SP140: variants seen among roughly 807,000 people sequenced by gnomAD.
SP140 encodes the protein nuclear body protein SP140.
SP140 carries 81 observed loss-of-function variants against 125.0 expected under a neutral mutation model. The ratio of observed to expected loss-of-function variants is 0.65; its 90% CI spans 0.54 to 0.78. The LOEUF is 0.78. SP140 is among the 30% of genes least tolerant of loss of function. SP140 has a pLI of 0.00. For missense variants in SP140, 858 were observed against 1,037.0 expected (o/e 0.83, Z 2.37); for synonymous variants, 312 against 354.0 (o/e 0.88, Z 1.33).
upstream of SP140, among the ~76,000 whole-genome samples, chr2:230,198,491 C>T (rs2042980008): frequency 6.6e-6 from 1 of 152,172 alleles, no homozygotes; most frequent in Non-Finnish European, 1.5e-5. Flanking sequence ...GTAATAAAGC[C>T]CCTGATTCTG....
intron 9 of SP140, among the ~76,000 whole-genome samples, chr2:230,250,386 T>C (rs1306851490): frequency 6.6e-6 from 1 of 152,142 alleles, no homozygotes; most frequent in Non-Finnish European, 1.5e-5. Flanking sequence ...TGGCATCAAT[T>C]GTTTCAGGAG....
At chr2:230,251,155 A>C (rs997957090) in intron 10 of SP140, 94 bp downstream of exon 10, 1 of 1,001,308 alleles carries the variant, frequency 1.0e-6, no homozygotes, top group Admixed American at 2.2e-5. Context: ...CTCCAAGTAT[A>C]CTTCACAGTG....
intron 16 of SP140, 140 bp from the exon 17 acceptor site, chr2:230,285,612 C>T: frequency 1.4e-6 from 1 of 696,128 alleles, no homozygotes. Flanking sequence ...GTCGACACTC[C>T]CAAAAGCAAA....
chr2:230,295,685 T>G (rs1418751505), intron 21 of SP140, among the ~76,000 whole-genome samples: 1 of 152,180 alleles, frequency 6.6e-6, no homozygotes, highest in Non-Finnish European at 1.5e-5. Flanking sequence ...GCCATTTGGC[T>G]TTAGGAAATT....
chr2:230,315,338 C>T (rs2059477500), downstream of SP140, among the ~76,000 whole-genome samples: 1 of 152,184 alleles, frequency 6.6e-6, no homozygotes. Flanking sequence ...AAGTAACTCA[C>T]ATGCCGGGGA....
At chr2:230,224,222 A>G (rs541917516), upstream of SP140, among the ~76,000 whole-genome samples, 137 of 152,298 alleles carry the variant, frequency 9.0e-4, no homozygotes, top group Non-Finnish European at 1.5e-3. Flanking sequence ...CTTATAAGCA[A>G]AAGAAGCTGG....
intron 1 of SP140, among the ~76,000 whole-genome samples, chr2:230,208,600 A>C (rs2044134963): frequency 6.6e-6 from 1 of 152,198 alleles, no homozygotes; most frequent in Non-Finnish European, 1.5e-5. Context: ...AAAGTCACTG[A>C]TTGAGCAAAA....
intron 1 of SP140, among the ~76,000 whole-genome samples, chr2:230,232,391 T>C (rs1300514247): frequency 1.3e-5 from 2 of 152,316 alleles, no homozygotes; most frequent in East Asian, 1.9e-4. Context: ...CTCCAGATTT[T>C]GGGGCAGTTT....
At chr2:230,297,094 G>A (rs1286162721) in intron 21 of SP140, among the ~76,000 whole-genome samples, 1 of 152,226 alleles carries the variant, frequency 6.6e-6, no homozygotes, top group Non-Finnish European at 1.5e-5. Context: ...TGCTGTAGCA[G>A]CCCAGACAGT....
At chr2:230,246,088 T>A in intron 7 of SP140, 148 bp downstream of exon 7, 1 of 619,806 alleles carries the variant, frequency 1.6e-6, no homozygotes, top group Non-Finnish European at 2.9e-6. Context: ...CATATATCCA[T>A]CCATCCATCT....
rs1393670317 is a variant in SP140, at chr2:230,211,701, T to C, written c.-322-1953T>C. The C allele has an allele frequency of 4.0e-5, 27 of 669,002 alleles. No homozygotes were observed. The allele number at this position is 669,002 out of a possible 1,614,324, so 41.4% of individuals were successfully genotyped here. ...GAAAGGATGGCATAGAGTGGGAAAG[T>C]AAGCAACCATTCACTCTCAATTAGC... On this transcript the variant is annotated intron_variant, in intron 1 of 4. Coordinates refer to the SP140 transcript ENST00000456542. The surrounding 1 kb of genome is among the most constrained non-coding windows in gnomAD (Gnocchi z 4.2).
chr2:230,268,422 GGCTGA>G (rs2053448281), intron 12 of SP140, among the ~76,000 whole-genome samples: 1 of 151,960 alleles, frequency 6.6e-6, no homozygotes, highest in Non-Finnish European at 1.5e-5. Context: ...TACTTTGGGA[GGCTGA>G]GACAGGAGAA....
chr2:230,285,940 T>C, intron 17 of SP140, 108 bp downstream of exon 17: 1 of 810,688 alleles, frequency 1.2e-6, no homozygotes. Flanking sequence ...TCAAGCTTAG[T>C]CAATTGGAGA....
chr2:230,240,789 C>A (rs1408398308), intron 3 of SP140, among the ~76,000 whole-genome samples: 1 of 152,142 alleles, frequency 6.6e-6, no homozygotes, highest in East Asian at 1.9e-4. Flanking sequence ...ATGATCTTGG[C>A]AGTTTCACTC....
chr2:230,282,178 G>T (rs971521618), intron 15 of SP140, among the ~76,000 whole-genome samples: 1 of 152,130 alleles, frequency 6.6e-6, no homozygotes, highest in African/African-American at 2.4e-5. Flanking sequence ...CTCCTCTGGG[G>T]ATCTTAAGCA....
chr2:230,211,562 A>G lies in SP140; in HGVS notation c.-322-2092A>G. On this transcript the variant is annotated intron_variant, in intron 1 of 4. Transcript: ENST00000456542. This position sits in a 1 kb window ranked among gnomAD's most constrained non-coding sequence, Gnocchi z 4.2. The stretch of plus-strand genomic sequence containing the variant: ...CAGGTTGTCACTGGCCACTGAATGG[A>G]GGAAGAAAAAGTTTTAGATCTCAGG... 3 of 1,558,228 alleles carry G rather than the reference A, an allele frequency of 1.9e-6. No individual in the cohort carries two copies. Among genetic ancestry groups the G allele is most frequent in the Non-Finnish European group, 2.7e-6 (3 of 1,129,150 alleles).
chr2:230,219,077 T>C (rs2045552904), intron 3 of SP140, among the ~76,000 whole-genome samples: 1 of 152,026 alleles, frequency 6.6e-6, no homozygotes, highest in African/African-American at 2.4e-5. Context: ...ATACAAAAAT[T>C]AGCTGGGCGT....
chr2:230,201,048 C>T, upstream of SP140: 1 of 1,069,518 alleles, frequency 9.4e-7, no homozygotes, highest in Non-Finnish European at 1.5e-6. Context: ...CCCTTGCACA[C>T]TCTGAAGTTG....
chr2:230,312,195 T>C (rs1320697084), intron 26 of SP140, among the ~76,000 whole-genome samples: 2 of 152,276 alleles, frequency 1.3e-5, no homozygotes, highest in African/African-American at 2.4e-5. Context: ...GAAAGGATCA[T>C]GCTGGTAAGA....
Sources: gnomAD v4.1 joint callset for allele counts (sites outside exome capture counted in the v4.1 genomes callset) on GRCh38, gnomAD v4.1.1 for gene constraint, Gnocchi (gnomAD v3.1) non-coding constraint, MANE v1.5 for transcripts, NCBI Gene and HGNC (gene_info 2026-07-23, HGNC 2026-07-21) for gene names.